Variants in YPEL2 observed in about 807,000 individuals in gnomAD.
The protein encoded by YPEL2 is yippee like 2.
A neutral mutation model predicts 19.1 loss-of-function variants in YPEL2; 2 were observed. The observed-to-expected ratio is 0.10, with a 90% CI of 0.04 to 0.33. The LOEUF (loss-of-function observed/expected upper bound fraction) is 0.33. Ranked by LOEUF, YPEL2 falls within the 10% of genes least tolerant of loss-of-function variation. The pLI is 1.00. For synonymous variants in YPEL2, 52 were observed against 50.0 expected (o/e 1.04, Z -0.17); for missense variants, 66 against 140.7 (o/e 0.47, Z 2.68).
chr17:59,391,614 G>A (rs2048007805), intron 4 of YPEL2, among the ~76,000 whole-genome samples: 4 of 151,924 alleles, frequency 2.6e-5, no homozygotes, highest in Admixed American at 6.6e-5. Context: ...AAACAAAAAT[G>A]GGGCCAGGCG....
intron 2 of YPEL2, among the ~76,000 whole-genome samples, chr17:59,383,776 C>T (rs556182760): frequency 1.3e-5 from 2 of 150,086 alleles, no homozygotes; most frequent in South Asian, 4.2e-4. Flanking sequence ...TTCTTTTTAC[C>T]CATAACCTCT....
At chr17:59,396,409 G>T (rs1259602848) in intron 4 of YPEL2, among the ~76,000 whole-genome samples, 1 of 152,224 alleles carries the variant, frequency 6.6e-6, no homozygotes, top group Admixed American at 6.5e-5. Context: ...ATATTCAGAA[G>T]TGAGAAGTAC....
In YPEL2 at chr17:59,390,395, G is replaced by A. The variant is rs921188468; in HGVS notation, c.270+927G>A. Among the ~76,000 whole-genome samples, 8 of 152,216 alleles carry A rather than the reference G, an allele frequency of 5.3e-5. No individual in the cohort carries two copies. In the East Asian group the frequency reaches 1.5e-3, roughly 29 times the overall value. On this transcript the variant is annotated intron_variant, in intron 4 of 4. Transcript: ENST00000312655. Reference sequence around the variant, plus strand: ...GAGCTCAAGCAGTCTTCCCAACTTGGCCTCCCAAAGTGCTGGGATTATAGG... The same window carrying A: ...GAGCTCAAGCAGTCTTCCCAACTTGACCTCCCAAAGTGCTGGGATTATAGG...
Position 59,380,788 on chromosome 17 carries a change from C to T in YPEL2, c.118-7539C>T, listed in dbSNP as rs181897380. 2.5e-3 allele frequency among the ~76,000 whole-genome samples: 386 copies of T among 152,286 alleles called. 2 individuals are homozygous for T. Among genetic ancestry groups the T allele is most frequent in the Non-Finnish European group, 3.4e-3 (233 of 68,012 alleles). ...GAGTGGTAAATTGGGGAAGCAAGTG[C>T]CAGGTGCTTTAAAAGCGGTGGATTC... On this transcript the variant is annotated intron_variant, in intron 2 of 4. Coordinates refer to ENST00000312655, the MANE Select transcript of YPEL2 (RefSeq NM_001005404.4).
intron 1 of YPEL2, among the ~76,000 whole-genome samples, chr17:59,337,303 T>TCAGCCTCC (rs2047704453): frequency 6.6e-6 from 1 of 151,076 alleles, no homozygotes. Flanking sequence ...TTCTCCTGCC[T>TCAGCCTCC]CAGCCTCCCG....
intron 2 of YPEL2, among the ~76,000 whole-genome samples, chr17:59,376,218 T>TTTG (rs372229779): frequency 4.6e-5 from 7 of 151,994 alleles, no homozygotes; most frequent in African/African-American, 9.7e-5. Flanking sequence ...TGATTGTGGG[T>TTTG]TTGTTGTTGT....
At chr17:59,386,322 C>A (rs1184835711) in intron 2 of YPEL2, among the ~76,000 whole-genome samples, 2 of 149,528 alleles carry the variant, frequency 1.3e-5, no homozygotes, top group African/African-American at 5.0e-5. Context: ...GTGGGACTCT[C>A]TTGGGGGAAA....
intron 2 of YPEL2, among the ~76,000 whole-genome samples, chr17:59,361,222 G>A (rs1783778691): frequency 6.6e-6 from 1 of 152,040 alleles, no homozygotes; most frequent in African/African-American, 2.4e-5. Flanking sequence ...ACGGCAGTGG[G>A]GACTGTGCCT....
chr17:59,389,995 ATTTATTTTAT>A (rs1217498673), intron 4 of YPEL2, among the ~76,000 whole-genome samples: 1 of 151,960 alleles, frequency 6.6e-6, no homozygotes, highest in African/African-American at 2.4e-5. Flanking sequence ...TATTAGGCAA[ATTTATTTTAT>A]TTTATTTTAT....
rs779811043 is a variant in YPEL2, at chr17:59,353,563, G to A, written c.117+37G>A. On this transcript the variant is annotated intron_variant, in intron 2 of 4. Transcript: ENST00000312655. This position sits in a 1 kb window ranked among gnomAD's most constrained non-coding sequence, Gnocchi z 4.8. Reference sequence around the variant, plus strand: ...CAGCAGGCCTTCCTTGCCTACCCCGGGGAGGGCGCTTAGTGCTCCTGAAGT... The same window carrying A: ...CAGCAGGCCTTCCTTGCCTACCCCGAGGAGGGCGCTTAGTGCTCCTGAAGT... 1 of 1,509,664 alleles carries A rather than the reference G, an allele frequency of 6.6e-7. No individual in the cohort carries two copies. The highest frequency in any genetic ancestry group is 1.7e-5 in the Admixed American group (1 of 59,894). 93.5% of individuals were successfully genotyped at this position (1,509,664 alleles called of 1,614,324 possible). A position where few individuals can be genotyped will look rare whatever the true frequency, so the allele number is the denominator to read the frequency against.
intron 1 of YPEL2, among the ~76,000 whole-genome samples, chr17:59,349,277 T>A (rs1052855910): frequency 6.6e-5 from 10 of 151,658 alleles, no homozygotes; most frequent in African/African-American, 2.4e-4. Flanking sequence ...GTGCAGATGT[T>A]GATTTTTTGG....
chr17:59,349,609 T>C (rs1487551303), intron 1 of YPEL2, among the ~76,000 whole-genome samples: 1 of 151,766 alleles, frequency 6.6e-6, no homozygotes, highest in African/African-American at 2.4e-5. Context: ...TCCCAAAGTG[T>C]CTGGATTACA....
chr17:59,387,281 G>C lies in YPEL2; in HGVS notation c.118-1046G>C, dbSNP rs200681948. 4.3e-3 allele frequency among the ~76,000 whole-genome samples: 527 copies of C among 121,286 alleles called. 3 individuals are homozygous for C. Among genetic ancestry groups the C allele is most frequent in the African/African-American group, 0.016 (489 of 31,204 alleles). The allele number at this position is 121,286 out of a possible 152,430, so 79.6% of individuals were successfully genotyped here. A position where few individuals can be genotyped will look rare whatever the true frequency, so the allele number is the denominator to read the frequency against. Reference sequence around the variant, plus strand: ...CTAAAAAAAAAAAAAAAAAAAAAAAGAATTTTGTCTTTCACACTGGCTGGC... The same window carrying C: ...CTAAAAAAAAAAAAAAAAAAAAAAACAATTTTGTCTTTCACACTGGCTGGC... On this transcript the variant is annotated intron_variant, in intron 2 of 4. Coordinates refer to ENST00000312655, the MANE Select transcript of YPEL2 (RefSeq NM_001005404.4).
At chr17:59,371,334 T>C (rs11079374) in intron 2 of YPEL2, among the ~76,000 whole-genome samples, 20,896 of 152,238 alleles carry the variant, frequency 0.14, 1,915 homozygotes, top group East Asian at 0.44. Context: ...CAGTATCGTG[T>C]TGGATGGGGC....
intron 2 of YPEL2, among the ~76,000 whole-genome samples, chr17:59,384,496 C>T (rs913710136): frequency 2.6e-5 from 4 of 152,108 alleles, no homozygotes; most frequent in African/African-American, 9.7e-5. Context: ...ATTCACAATA[C>T]GCTGAAAGCA....
intron 3 of YPEL2, 73 bp from the exon 4 acceptor site, chr17:59,389,287 C>A: frequency 7.2e-7 from 1 of 1,387,388 alleles, no homozygotes; most frequent in Non-Finnish European, 1.0e-6. Flanking sequence ...TTAATTTTTG[C>A]TGGAAGCTCA....
chr17:59,393,517 T>C (rs191815505), intron 4 of YPEL2, among the ~76,000 whole-genome samples: 2 of 150,412 alleles, frequency 1.3e-5, no homozygotes, highest in South Asian at 2.1e-4. Context: ...TTATTTTATT[T>C]ATTTATTTAT....
intron 1 of YPEL2, among the ~76,000 whole-genome samples, chr17:59,344,030 G>T (rs73323192): frequency 0.044 from 6,699 of 152,176 alleles, 512 homozygotes; most frequent in African/African-American, 0.15. Context: ...GCATAAAGGG[G>T]GTTTCCTGCT....
intron 4 of YPEL2, among the ~76,000 whole-genome samples, chr17:59,391,695 C>A (rs185763714): frequency 1.3e-5 from 2 of 151,976 alleles, no homozygotes; most frequent in Admixed American, 6.6e-5. Context: ...GTCAAGAGTT[C>A]GAGACCCGCC....
Sources: allele counts gnomAD v4.1 joint callset (sites outside exome capture counted in the v4.1 genomes callset), GRCh38; gene constraint gnomAD v4.1.1; non-coding constraint Gnocchi (gnomAD v3.1); transcripts MANE v1.5; gene names NCBI Gene and HGNC (gene_info 2026-07-23, HGNC 2026-07-21).